WDFY4: variants seen among roughly 807,000 people sequenced by gnomAD.
The protein encoded by WDFY4 is WDFY family member 4, also known as WD repeat- and FYVE domain-containing protein 4.
WDFY4 carries 169 observed loss-of-function variants against 351.9 expected under a neutral mutation model. The observed-to-expected ratio is 0.48, with a 90% CI of 0.42 to 0.55. The LOEUF is 0.55. Among genes scored for constraint, WDFY4 ranks in the 20% least tolerant of loss-of-function variants. WDFY4 has a pLI of 0.00. For synonymous variants in WDFY4, 1,622 were observed against 1,574.6 expected (o/e 1.03, Z -0.71); for missense variants, 3,803 against 3,935.6 (o/e 0.97, Z 0.90).
chr10:48,931,096 A>AACACAC (rs10598078), intron 47 of WDFY4, among the ~76,000 whole-genome samples: 3,106 of 150,324 alleles, frequency 0.021, 86 homozygotes, highest in African/African-American at 0.057. Flanking sequence ...CTCACACTCA[A>AACACAC]ACACACACAC....
chr10:48,790,015 T>C (rs1429413698), intron 22 of WDFY4, 30 bp downstream of exon 22: 1 of 1,547,860 alleles, frequency 6.5e-7, no homozygotes, highest in Non-Finnish European at 8.7e-7. Flanking sequence ...TTTGCCGCTA[T>C]TTGGGAAGCA....
At chr10:48,706,950 G>T (rs1213111070) in intron 1 of WDFY4, among the ~76,000 whole-genome samples, 1 of 152,210 alleles carries the variant, frequency 6.6e-6, no homozygotes, top group Non-Finnish European at 1.5e-5. Context: ...AAATATTCAT[G>T]ATGTGCTGTT....
intron 51 of WDFY4, among the ~76,000 whole-genome samples, chr10:48,950,414 A>G (rs1841266611): frequency 6.6e-6 from 1 of 152,164 alleles, no homozygotes; most frequent in Non-Finnish European, 1.5e-5. Flanking sequence ...TGTAGACCAC[A>G]TGTTGTTTAT....
intron 48 of WDFY4, 114 bp from the exon 49 acceptor site, chr10:48,943,216 G>A: frequency 7.9e-7 from 1 of 1,272,796 alleles, no homozygotes; most frequent in African/African-American, 1.5e-5. Flanking sequence ...GGGGCTGGCT[G>A]CCTGTCCTCA....
At chr10:48,696,380 C>G (rs766277760) in intron 1 of WDFY4, among the ~76,000 whole-genome samples, 1 of 152,226 alleles carries the variant, frequency 6.6e-6, no homozygotes, top group African/African-American at 2.4e-5. Flanking sequence ...GCCCCTGACT[C>G]CACCTGGCCC....
intron 13 of WDFY4, among the ~76,000 whole-genome samples, chr10:48,763,446 G>T (rs1324687149): frequency 6.6e-6 from 1 of 152,198 alleles, no homozygotes; most frequent in Non-Finnish European, 1.5e-5. Context: ...TTCATACAAC[G>T]CATTGTACTT....
At chr10:48,751,689 A>G (rs561079840) in intron 12 of WDFY4, among the ~76,000 whole-genome samples, 3 of 152,244 alleles carry the variant, frequency 2.0e-5, no homozygotes, top group Non-Finnish European at 2.9e-5. Context: ...TGCATCCCTC[A>G]AGTATCCACA....
At position 48,982,666 on chromosome 10, in the gene WDFY4, C is replaced by A. The variant is rs1162054059; in HGVS notation, c.*91C>A. On this transcript the variant is annotated 3_prime_UTR_variant, in exon 62 of 62. Coordinates refer to ENST00000325239, the MANE Select transcript of WDFY4 (RefSeq NM_001394531.1). Reference sequence around the variant, plus strand: ...GCCTGAGCTCTGCCTACAGAAGAAACCCCCAGGGCCTCCTTCCCCACAGTT... The same window carrying A: ...GCCTGAGCTCTGCCTACAGAAGAAAACCCCAGGGCCTCCTTCCCCACAGTT... 7.7e-7 allele frequency: 1 copy of A among 1,303,340 alleles called. No individual in the cohort carries two copies. The highest frequency in any genetic ancestry group is 2.7e-5 in the East Asian group (1 of 37,566). The allele number at this position is 1,303,340 out of a possible 1,614,324, so 80.7% of individuals were successfully genotyped here.
chr10:48,846,085 T>C (rs1224154790), intron 39 of WDFY4, among the ~76,000 whole-genome samples: 1 of 152,242 alleles, frequency 6.6e-6, no homozygotes, highest in Admixed American at 6.5e-5. Flanking sequence ...GACAATGTCA[T>C]GCCTCTGATC....
At chr10:48,949,647 C>T (rs528263926) in intron 51 of WDFY4, among the ~76,000 whole-genome samples, 10 of 152,184 alleles carry the variant, frequency 6.6e-5, no homozygotes, top group Non-Finnish European at 1.2e-4. Context: ...GAGTGAGAGA[C>T]GTGGGGAGGC....
At chr10:48,979,172 A>G (rs1432259519) in intron 60 of WDFY4, among the ~76,000 whole-genome samples, 2 of 152,230 alleles carry the variant, frequency 1.3e-5, no homozygotes, top group African/African-American at 4.8e-5. Flanking sequence ...ACAAAGATCA[A>G]TAATATCACA....
At chr10:48,760,241 A>G (rs1430725407) in intron 12 of WDFY4, 106 bp from the exon 13 acceptor site, 2 of 981,708 alleles carry the variant, frequency 2.0e-6, no homozygotes, top group South Asian at 3.0e-5. Context: ...ATAAGACAGG[A>G]TGTGTACCAT....
chr10:48,801,423 C>T (rs73310033), intron 24 of WDFY4: 38 of 445,174 alleles, frequency 8.5e-5, no homozygotes, highest in African/African-American at 7.0e-4. Flanking sequence ...AGCCCTTAGC[C>T]CCAGGCCTGG....
At chr10:48,706,452 T>C (rs2132181568) in intron 1 of WDFY4, among the ~76,000 whole-genome samples, 1 of 152,266 alleles carries the variant, frequency 6.6e-6, no homozygotes, top group African/African-American at 2.4e-5. Context: ...GATGGAAACA[T>C]ACTTAGCTCC....
intron 9 of WDFY4, among the ~76,000 whole-genome samples, chr10:48,731,970 C>T (rs2064476069): frequency 6.6e-6 from 1 of 152,178 alleles, no homozygotes; most frequent in Admixed American, 6.5e-5. Flanking sequence ...ACTGTTGGCT[C>T]AGTGGTCTCC....
intron 19 of WDFY4, among the ~76,000 whole-genome samples, chr10:48,786,061 T>C (rs1222280761): frequency 6.6e-6 from 1 of 152,198 alleles, no homozygotes; most frequent in Non-Finnish European, 1.5e-5. Flanking sequence ...ATACAGATCC[T>C]CTACTTGTCT....
intron 39 of WDFY4, among the ~76,000 whole-genome samples, chr10:48,834,781 G>GCTGC (rs758033044): frequency 6.6e-6 from 1 of 152,248 alleles, no homozygotes; most frequent in Non-Finnish European, 1.5e-5. Flanking sequence ...ACCTGTTGAT[G>GCTGC]CTGCCTCTTG....
chr10:48,789,889 C>A lies in WDFY4; in HGVS notation c.3970C>A (p.Arg1324Ser). 1 of 1,552,392 alleles carries A rather than the reference C, an allele frequency of 6.4e-7. No homozygotes were observed. The highest frequency in any genetic ancestry group is 1.4e-5 in the African/African-American group (1 of 73,162). ...LIAKEMNISS[R>S]DNAMPVFLLR... is the part of the protein sequence containing the mutation. ...ATTTCTCTAGATGAACATTTCATCC[C>A]GTGACAATGCCATGCCCGTGTTCTT... The change falls in exon 22 of 62, where the codon CGT becomes AGT. Residue 1324 changes from arginine to serine, a missense_variant. By Grantham distance (110) the Arg-to-Ser change is moderately radical. Around this residue, in one of 3 missense-constraint regions of WDFY4, gnomAD observed 3,054 missense variants for 3,148.6 expected, o/e 0.97. Coordinates refer to ENST00000325239, the MANE Select transcript of WDFY4 (RefSeq NM_001394531.1).
Position 48,701,688 on chromosome 10 carries a change from G to A in WDFY4, c.-17-8028G>A, listed in dbSNP as rs182511638. On this transcript the variant is annotated intron_variant, in intron 1 of 61. Coordinates refer to ENST00000325239, the MANE Select transcript of WDFY4 (RefSeq NM_001394531.1). ...AAAGAGGAAGTGTGGTTAAGGTGGA[G>A]CGTGTGGACTTTGGAGTCCGATGCA... Among the ~76,000 whole-genome samples the A allele has an allele frequency of 6.0e-4, 92 of 152,328 alleles. 3 individuals are homozygous for A. The East Asian group carries it at 0.015, about 26-fold the overall frequency.
Sources: gnomAD v4.1 joint callset for allele counts (sites outside exome capture counted in the v4.1 genomes callset) on GRCh38, gnomAD v4.1.1 for gene constraint, gnomAD v4.1.1 regional missense constraint, MANE v1.5 for transcripts, NCBI Gene and HGNC (gene_info 2026-07-23, HGNC 2026-07-21) for gene names.